PRDM16: variants seen among roughly 807,000 people sequenced by gnomAD.
The protein encoded by PRDM16 is PR/SET domain 16.
PRDM16 carries 23 observed loss-of-function variants against 110.6 expected under a neutral mutation model. The observed-to-expected ratio is 0.21, with a 90% CI of 0.15 to 0.29. PRDM16 has a LOEUF of 0.29. PRDM16 is among the 10% of genes least tolerant of loss of function. PRDM16 has a pLI of 1.00. For synonymous variants in PRDM16, 799 were observed against 781.8 expected (o/e 1.02, Z -0.37); for missense variants, 1,615 against 1,794.3 (o/e 0.90, Z 1.81).
intron 3 of PRDM16, among the ~76,000 whole-genome samples, chr1:3,377,918 C>T (rs779032922): frequency 3.3e-5 from 5 of 152,226 alleles, no homozygotes; most frequent in African/African-American, 4.8e-5. Context: ...TCCTATGTCA[C>T]GGAGAACATC....
chr1:3,181,445 T>TACACACACAGTCTTAC (rs367823022), intron 1 of PRDM16, among the ~76,000 whole-genome samples: 1 of 7,880 alleles, frequency 1.3e-4, no homozygotes, highest in Non-Finnish European at 5.0e-4. Flanking sequence ...CAAGCAGTCT[T>TACACACACAGTCTTAC]ACACGGTCTT....
intron 2 of PRDM16, among the ~76,000 whole-genome samples, chr1:3,200,450 C>T (rs1220831440): frequency 6.6e-6 from 1 of 152,208 alleles, no homozygotes; most frequent in African/African-American, 2.4e-5. Context: ...TCACGCCATT[C>T]TCCTGCCTCA....
At chr1:3,316,757 A>G (rs1641614919) in intron 3 of PRDM16, among the ~76,000 whole-genome samples, 1 of 145,856 alleles carries the variant, frequency 6.9e-6, no homozygotes, top group African/African-American at 2.5e-5. Context: ...CAGTGACTGC[A>G]GTGACACAGG....
At position 3,359,997 on chromosome 1, in the gene PRDM16, A is replaced by C. The variant is rs2100556268; in HGVS notation, c.439-25155A>C. Among the ~76,000 whole-genome samples, 1 of 152,346 alleles carries C rather than the reference A, an allele frequency of 6.6e-6. No individual in the cohort carries two copies. The highest frequency in any genetic ancestry group is 2.1e-4 in the South Asian group (1 of 4,828). On this transcript the variant is annotated intron_variant, in intron 3 of 16. Coordinates refer to ENST00000270722, the MANE Select transcript of PRDM16 (RefSeq NM_022114.4). The surrounding 1 kb of genome is among the most constrained non-coding windows in gnomAD (Gnocchi z 4.3). ...GGCTCAGCAGCCAGTGAGAAGCAAC[A>C]GCAAACGTAATTAACTCCATGCGTT...
At chr1:3,221,473 C>T (rs1421088182) in intron 2 of PRDM16, among the ~76,000 whole-genome samples, 7 of 152,212 alleles carry the variant, frequency 4.6e-5, no homozygotes, top group African/African-American at 1.7e-4. Context: ...TGGGGAGACT[C>T]TTTGTCCGGC....
rs145562122 is a variant in PRDM16, at chr1:3,172,402, T to A, written c.38-13723T>A. Among the ~76,000 whole-genome samples, 1,000 of 152,260 alleles carry A rather than the reference T, an allele frequency of 6.6e-3. 11 individuals carry two copies. The highest frequency in any genetic ancestry group is 0.023 in the African/African-American group (944 of 41,554). ...CCTGAGATCTGGGCAGTGGGGCTGC[T>A]GACAGGAGCCTCGTTTCACTTGGGT... On this transcript the variant is annotated intron_variant, in intron 1 of 16. Coordinates refer to ENST00000270722, the MANE Select transcript of PRDM16 (RefSeq NM_022114.4).
rs1352524732 is a variant in PRDM16, at chr1:3,069,900, G to A, written c.37+604G>A. Among the ~76,000 whole-genome samples the A allele has an allele frequency of 6.6e-6, 1 of 151,798 alleles. No homozygotes were observed. The highest frequency in any genetic ancestry group is 1.5e-5 in the Non-Finnish European group (1 of 67,886). On this transcript the variant is annotated intron_variant, in intron 1 of 16. Coordinates refer to ENST00000270722, the MANE Select transcript of PRDM16 (RefSeq NM_022114.4). This position sits in a 1 kb window ranked among gnomAD's most constrained non-coding sequence, Gnocchi z 6.1. ...CCGGCTCCGCGGGCGCAGGGGCAGG[G>A]GTGGCGACGGCGGGACAGCCGCAGC...
chr1:3,103,362 AG>A (rs1275460490), intron 1 of PRDM16, among the ~76,000 whole-genome samples: 1 of 152,160 alleles, frequency 6.6e-6, no homozygotes, highest in Non-Finnish European at 1.5e-5. Flanking sequence ...CTATTGGATT[AG>A]GGCCCGTCCT....
chr1:3,329,497 G>A (rs1299083294), intron 3 of PRDM16, among the ~76,000 whole-genome samples: 5 of 152,190 alleles, frequency 3.3e-5, no homozygotes, highest in African/African-American at 4.8e-5. Flanking sequence ...CGAGGGGTTT[G>A]CAGCAACACT....
intron 1 of PRDM16, among the ~76,000 whole-genome samples, chr1:3,135,362 G>A (rs990709465): frequency 6.6e-6 from 1 of 152,168 alleles, no homozygotes; most frequent in African/African-American, 2.4e-5. Flanking sequence ...TGCAGACACC[G>A]ACCACGGGCC....
At position 3,359,708 on chromosome 1, in the gene PRDM16, G is replaced by GA. The variant is rs1180297992; in HGVS notation, c.439-25437dup. Among the ~76,000 whole-genome samples, 2 of 152,098 alleles carry GA rather than the reference G, an allele frequency of 1.3e-5. No homozygotes were observed. The highest frequency in any genetic ancestry group is 1.9e-4 in the East Asian group (1 of 5,194). The stretch of plus-strand genomic sequence containing the variant: ...GCAATCTTGACTTCTTTCCCCCTTG[G>GA]AAAAAAAGCGTCCTCTGTGTGCCTG... On this transcript the variant is annotated intron_variant, in intron 3 of 16. Transcript: ENST00000270722. The surrounding 1 kb of genome is among the most constrained non-coding windows in gnomAD (Gnocchi z 4.3).
intron 3 of PRDM16, among the ~76,000 whole-genome samples, chr1:3,261,589 G>A (rs1398567730): frequency 6.6e-6 from 1 of 152,114 alleles, no homozygotes; most frequent in Admixed American, 6.6e-5. Context: ...GAACCCAGGG[G>A]GCCGGGTAGA....
chr1:3,262,443 C>A (rs1640183121), intron 3 of PRDM16, among the ~76,000 whole-genome samples: 1 of 152,212 alleles, frequency 6.6e-6, no homozygotes, highest in African/African-American at 2.4e-5. Flanking sequence ...GCCCTGGGGC[C>A]CCCAAGGAAC....
chr1:3,074,432 C>T (rs200589544), intron 1 of PRDM16, among the ~76,000 whole-genome samples: 1 of 151,396 alleles, frequency 6.6e-6, no homozygotes, highest in Non-Finnish European at 1.5e-5. Flanking sequence ...TGTGTGTGCG[C>T]GTGTGTGTGT....
chr1:3,373,372 A>T (rs1157639870), intron 3 of PRDM16, among the ~76,000 whole-genome samples: 1 of 152,152 alleles, frequency 6.6e-6, no homozygotes, highest in Non-Finnish European at 1.5e-5. Flanking sequence ...GGTGACCCAC[A>T]TCTGGGCAAG....
At chr1:3,268,323 G>A (rs1001537473) in intron 3 of PRDM16, among the ~76,000 whole-genome samples, 3 of 152,242 alleles carry the variant, frequency 2.0e-5, no homozygotes, top group Admixed American at 2.0e-4. Flanking sequence ...AAAAAAGAAG[G>A]CTTATTGGGT....
At chr1:3,202,679 T>A (rs1384404030) in intron 2 of PRDM16, among the ~76,000 whole-genome samples, 1 of 152,168 alleles carries the variant, frequency 6.6e-6, no homozygotes, top group Non-Finnish European at 1.5e-5. Context: ...TTTGTGAGGT[T>A]TTCGAAAAGC....
chr1:3,246,779 T>C lies in PRDM16; in HGVS notation c.438+2642T>C, dbSNP rs1639799399. On this transcript the variant is annotated intron_variant, in intron 3 of 16. Coordinates refer to ENST00000270722, the MANE Select transcript of PRDM16 (RefSeq NM_022114.4). This position sits in a 1 kb window ranked among gnomAD's most constrained non-coding sequence, Gnocchi z 5.2. ...AACCCCAGGGCTCAGACTGGACCCGTTCAGTTACATTTCTAGGCACTCTCG... is the reference window on the plus strand; with the variant it reads ...AACCCCAGGGCTCAGACTGGACCCGCTCAGTTACATTTCTAGGCACTCTCG... Among the ~76,000 whole-genome samples, 1 of 152,142 alleles carries C rather than the reference T, an allele frequency of 6.6e-6. No homozygotes were observed.
In PRDM16 at chr1:3,181,445, T is replaced by TACAC. The variant is rs367823022; in HGVS notation, c.38-4679_38-4676dup. ...ACACGCGGTCTTACACAAGCAGTCT[T>TACAC]ACACGGTCTTACACACGGTCTTACA... On this transcript the variant is annotated intron_variant, in intron 1 of 16. Transcript: ENST00000270722. Among the ~76,000 whole-genome samples the TACAC allele has an allele frequency of 5.1e-4, 4 of 7,880 alleles. 1 individual carries two copies. The highest frequency in any genetic ancestry group is 8.8e-4 in the African/African-American group (4 of 4,546). The allele number at this position is 7,880 out of a possible 152,430, so 5.2% of individuals were successfully genotyped here. A position where few individuals can be genotyped will look rare whatever the true frequency, so the allele number is the denominator to read the frequency against.
Sources: gnomAD v4.1 joint callset for allele counts (sites outside exome capture counted in the v4.1 genomes callset) on GRCh38, gnomAD v4.1.1 for gene constraint, Gnocchi (gnomAD v3.1) non-coding constraint, MANE v1.5 for transcripts, NCBI Gene and HGNC (gene_info 2026-07-23, HGNC 2026-07-21) for gene names.